CRISPLD2: variants seen among roughly 807,000 people sequenced by gnomAD.
The protein encoded by CRISPLD2 is cysteine-rich secretory protein LCCL domain-containing 2.
In CRISPLD2, 47 loss-of-function variants were observed where a neutral mutation model predicts 71.1. The ratio of observed to expected loss-of-function variants is 0.66; its 90% CI spans 0.52 to 0.84. CRISPLD2 has a LOEUF of 0.84. Among genes scored for constraint, CRISPLD2 ranks in the 40% least tolerant of loss-of-function variants. The pLI is 0.00. For synonymous variants in CRISPLD2, 317 were observed against 250.1 expected (o/e 1.27, Z -2.52); for missense variants, 830 against 651.1 (o/e 1.27, Z -2.99).
At chr16:84,861,154 A>G (rs991231282) in intron 6 of CRISPLD2, among the ~76,000 whole-genome samples, 1 of 152,154 alleles carries the variant, frequency 6.6e-6, no homozygotes, top group Middle Eastern at 3.2e-3. Flanking sequence ...TCTCCATACT[A>G]TTAGAAGTAG....
chr16:84,851,353 A>G (rs963133246), intron 5 of CRISPLD2, among the ~76,000 whole-genome samples: 1 of 152,202 alleles, frequency 6.6e-6, no homozygotes, highest in Non-Finnish European at 1.5e-5. Flanking sequence ...TGGGACAAAT[A>G]TGTGCTGATT....
At chr16:84,862,474 G>C (rs538678856) in intron 6 of CRISPLD2, among the ~76,000 whole-genome samples, 9 of 152,078 alleles carry the variant, frequency 5.9e-5, no homozygotes, top group African/African-American at 2.2e-4. Context: ...GATTACAGGC[G>C]TGCACCATCA....
chr16:84,895,013 C>T (rs184882490), intron 14 of CRISPLD2, among the ~76,000 whole-genome samples: 3 of 152,304 alleles, frequency 2.0e-5, no homozygotes, highest in African/African-American at 7.2e-5. Context: ...GAGGCTGGGA[C>T]ATGAGGTTCT....
At chr16:84,825,974 T>C (rs1245877443) in intron 1 of CRISPLD2, among the ~76,000 whole-genome samples, 1 of 148,450 alleles carries the variant, frequency 6.7e-6, no homozygotes, top group Non-Finnish European at 1.5e-5. Context: ...AAAAAGTGGG[T>C]TCCTGGCCTG....
chr16:84,899,826 C>A (rs944183149), intron 14 of CRISPLD2, among the ~76,000 whole-genome samples: 1 of 152,114 alleles, frequency 6.6e-6, no homozygotes, highest in African/African-American at 2.4e-5. Flanking sequence ...AACATGAGAA[C>A]CCACTGCACC....
intron 5 of CRISPLD2, among the ~76,000 whole-genome samples, chr16:84,851,649 C>T (rs143098335): frequency 5.3e-5 from 8 of 152,152 alleles, no homozygotes; most frequent in South Asian, 2.1e-4. Flanking sequence ...CATGGATGAG[C>T]GCAGCGGGTG....
intron 1 of CRISPLD2, among the ~76,000 whole-genome samples, chr16:84,821,030 G>A (rs925509245): frequency 1.3e-5 from 2 of 152,212 alleles, no homozygotes; most frequent in Non-Finnish European, 1.5e-5. Context: ...TGAATTGGGC[G>A]TCTCTCAGCC....
At chr16:84,875,381 G>C (rs912335324) in intron 11 of CRISPLD2, among the ~76,000 whole-genome samples, 5 of 137,248 alleles carry the variant, frequency 3.6e-5, no homozygotes, top group Non-Finnish European at 6.2e-5. Context: ...ACACAAATTT[G>C]TAAACATGAG....
chr16:84,880,099 T>C (rs2071555306), intron 12 of CRISPLD2, among the ~76,000 whole-genome samples: 2 of 152,082 alleles, frequency 1.3e-5, no homozygotes, highest in African/African-American at 4.8e-5. Flanking sequence ...CACCCTTTCC[T>C]CCTCCACACA....
chr16:84,854,586 T>C, intron 5 of CRISPLD2, 143 bp from the exon 6 acceptor site: 1 of 672,236 alleles, frequency 1.5e-6, no homozygotes, highest in Non-Finnish European at 2.7e-6. Flanking sequence ...ATAGCCATCT[T>C]TCCCGCTTCC....
chr16:84,831,719 AT>A (rs1284859030), intron 1 of CRISPLD2, among the ~76,000 whole-genome samples: 1 of 151,730 alleles, frequency 6.6e-6, no homozygotes, highest in Non-Finnish European at 1.5e-5. Flanking sequence ...TAGGATTTTT[AT>A]TTTTTTTAAT....
chr16:84,838,329 G>A (rs959418092), intron 1 of CRISPLD2, 93 bp from the exon 2 acceptor site: 2 of 767,408 alleles, frequency 2.6e-6, no homozygotes, highest in Admixed American at 2.4e-5. Flanking sequence ...GTAAAATGGA[G>A]AGAGTCGTGT....
chr16:84,893,738 G>A (rs982994), intron 14 of CRISPLD2, among the ~76,000 whole-genome samples: 60,032 of 152,080 alleles, frequency 0.39, 12,772 homozygotes, highest in East Asian at 0.66. Flanking sequence ...AGAGACACCT[G>A]GGTGTGGCCA....
intron 13 of CRISPLD2, among the ~76,000 whole-genome samples, chr16:84,888,759 C>T (rs895237997): frequency 2.0e-5 from 3 of 152,208 alleles, no homozygotes; most frequent in African/African-American, 7.2e-5. Context: ...CAGAGACATT[C>T]CCACGGCTGT....
chr16:84,868,798 T>C lies in CRISPLD2; in HGVS notation c.854-53T>C, dbSNP rs997287509. 4 of 1,445,086 alleles carry C rather than the reference T, an allele frequency of 2.8e-6. No individual in the cohort carries two copies. In the South Asian group the frequency reaches 3.5e-5, roughly 12 times the overall value. The allele number at this position is 1,445,086 out of a possible 1,614,324, so 89.5% of individuals were successfully genotyped here. ...TGTCCCTCAGCATGGGGAAGGGTCT[T>C]CTCACCCTCCTGGTTTCGTGCCGTG... On this transcript the variant is annotated intron_variant, in intron 7 of 14. Coordinates refer to ENST00000262424, the MANE Select transcript of CRISPLD2 (RefSeq NM_031476.4).
At chr16:84,870,058 T>C (rs2071452460) in intron 8 of CRISPLD2, among the ~76,000 whole-genome samples, 1 of 152,198 alleles carries the variant, frequency 6.6e-6, no homozygotes, top group African/African-American at 2.4e-5. Flanking sequence ...CCTCATTCTC[T>C]CTGTAGAAGC....
chr16:84,891,208 C>T (rs1298423671), intron 14 of CRISPLD2, among the ~76,000 whole-genome samples: 6 of 152,206 alleles, frequency 3.9e-5, no homozygotes, highest in African/African-American at 1.2e-4. Flanking sequence ...ATTTGAGGGA[C>T]GTTCTTTAGA....
At chr16:84,826,136 A>C (rs1350671102) in intron 1 of CRISPLD2, among the ~76,000 whole-genome samples, 1 of 152,008 alleles carries the variant, frequency 6.6e-6, no homozygotes, top group Non-Finnish European at 1.5e-5. Flanking sequence ...CCTGGCACAA[A>C]GGTGGGGCAT....
Position 84,906,757 on chromosome 16 carries a change from G to A in CRISPLD2, c.*115G>A, listed in dbSNP as rs200918687. The A allele has an allele frequency of 7.6e-5, 89 of 1,175,040 alleles. No homozygotes were observed. In the East Asian group the frequency reaches 1.5e-3, roughly 19 times the overall value. The allele number at this position is 1,175,040 out of a possible 1,614,324, so 72.8% of individuals were successfully genotyped here. Reference sequence around the variant, plus strand: ...AGTCAGGAAACTTCCTTTGACTGATGTTCAGTGTCCATCACTTTGTGGCCT... The same window carrying A: ...AGTCAGGAAACTTCCTTTGACTGATATTCAGTGTCCATCACTTTGTGGCCT... On this transcript the variant is annotated 3_prime_UTR_variant, in exon 15 of 15. Transcript: ENST00000262424.
Sources: allele counts gnomAD v4.1 joint callset (sites outside exome capture counted in the v4.1 genomes callset), GRCh38; gene constraint gnomAD v4.1.1; transcripts MANE v1.5; gene names NCBI Gene and HGNC (gene_info 2026-07-23, HGNC 2026-07-21).